Variants in CACNA2D3 observed in about 807,000 individuals in gnomAD.
CACNA2D3 encodes the protein calcium voltage-gated channel auxiliary subunit alpha2delta 3.
CACNA2D3 carries 60 observed loss-of-function variants against 160.6 expected under a neutral mutation model. The ratio of observed to expected loss-of-function variants is 0.37; its 90% CI spans 0.30 to 0.46. The LOEUF is 0.46. Among genes scored for constraint, CACNA2D3 ranks in the 20% least tolerant of loss-of-function variants. The probability of loss-of-function intolerance (pLI) is 1.00; values close to 1 mark genes in which losing one functional copy is unlikely to be tolerated. For synonymous variants in CACNA2D3, 558 were observed against 492.9 expected, an observed-to-expected ratio of 1.13 and a Z score of -1.75; for missense variants, 1,205 against 1,365.0, an observed-to-expected ratio of 0.88 and a Z score of 1.85.
chr3:54,873,564 T>A (rs1004748870), intron 18 of CACNA2D3, among the ~76,000 whole-genome samples: 1 of 152,172 alleles, frequency 6.6e-6, no homozygotes, highest in East Asian at 1.9e-4. Flanking sequence ...TATCTCCTCA[T>A]CCTACTTTGC....
chr3:54,776,658 G>C (rs1271109668), intron 13 of CACNA2D3, among the ~76,000 whole-genome samples: 1 of 152,210 alleles, frequency 6.6e-6, no homozygotes, highest in African/African-American at 2.4e-5. Context: ...TCTGTCTGAG[G>C]TTTCTGTAAC....
chr3:54,182,485 C>A (rs1700801806), intron 2 of CACNA2D3, among the ~76,000 whole-genome samples: 1 of 152,184 alleles, frequency 6.6e-6, no homozygotes, highest in South Asian at 2.1e-4. Flanking sequence ...TCCTATTGGG[C>A]AGATGGGAAC....
intron 2 of CACNA2D3, among the ~76,000 whole-genome samples, chr3:54,312,840 C>CCTAGACCCCAGTCCTGG (rs1304478975): frequency 2.0e-5 from 3 of 152,166 alleles, no homozygotes; most frequent in African/African-American, 7.2e-5. Flanking sequence ...ATGCGTTCTG[C>CCTAGACCCCAGTCCTGG]CTAGACCCCA....
At chr3:54,796,417 C>A (rs527533099) in intron 13 of CACNA2D3, among the ~76,000 whole-genome samples, 3 of 152,252 alleles carry the variant, frequency 2.0e-5, no homozygotes, top group Non-Finnish European at 4.4e-5. Flanking sequence ...CCACTGGATC[C>A]AGTCTTGACT....
chr3:54,605,181 C>T (rs1489992730), intron 9 of CACNA2D3, among the ~76,000 whole-genome samples: 2 of 152,132 alleles, frequency 1.3e-5, no homozygotes, highest in African/African-American at 4.8e-5. Flanking sequence ...AGTCATATTG[C>T]ATTAGGGGTC....
At chr3:54,475,076 A>T (rs1011477240) in intron 4 of CACNA2D3, among the ~76,000 whole-genome samples, 2 of 152,228 alleles carry the variant, frequency 1.3e-5, no homozygotes, top group Non-Finnish European at 2.9e-5. Flanking sequence ...GTAAGAGATT[A>T]CCTTGCACAT....
At chr3:54,622,903 C>T (rs1327506150) in intron 9 of CACNA2D3, among the ~76,000 whole-genome samples, 1 of 152,174 alleles carries the variant, frequency 6.6e-6, no homozygotes, top group African/African-American at 2.4e-5. Context: ...GTATAAAGTG[C>T]TGTATTCAGT....
At position 54,695,485 on chromosome 3, in the gene CACNA2D3, G is replaced by A. The variant is rs550355906; in HGVS notation, c.1167+53244G>A. ...TGCATGAGTGGTTCCAAGGTTACGA[G>A]TATTTTAAAGCTATGGATACCTGTT... On this transcript the variant is annotated intron_variant, in intron 11 of 37. Coordinates refer to ENST00000474759, the MANE Select transcript of CACNA2D3 (RefSeq NM_018398.3). Among the ~76,000 whole-genome samples the A allele has an allele frequency of 3.3e-5, 5 of 151,874 alleles. No individual in the cohort carries two copies. In the South Asian group the frequency reaches 1.0e-3, roughly 32 times the overall value.
intron 2 of CACNA2D3, among the ~76,000 whole-genome samples, chr3:54,172,152 A>T (rs1167505840): frequency 1.3e-5 from 2 of 152,018 alleles, no homozygotes; most frequent in African/African-American, 4.8e-5. Flanking sequence ...TCAGGCATTC[A>T]CCACTCCACT....
chr3:55,059,834 C>T (rs1406236440), intron 35 of CACNA2D3, among the ~76,000 whole-genome samples: 2 of 151,966 alleles, frequency 1.3e-5, no homozygotes, highest in Non-Finnish European at 2.9e-5. Flanking sequence ...CCCTGGAGTT[C>T]AGCTATCCCA....
At chr3:54,951,339 A>C (rs1180789180) in intron 27 of CACNA2D3, among the ~76,000 whole-genome samples, 1 of 152,236 alleles carries the variant, frequency 6.6e-6, no homozygotes, top group Admixed American at 6.5e-5. Flanking sequence ...TCTCTCTTTC[A>C]CAGCACTATA....
intron 11 of CACNA2D3, among the ~76,000 whole-genome samples, chr3:54,717,055 A>G (rs1410191701): frequency 6.6e-6 from 1 of 151,854 alleles, no homozygotes; most frequent in Non-Finnish European, 1.5e-5. Context: ...TTCTATCTCC[A>G]TGGGTTAGTT....
chr3:54,910,966 A>G (rs868073965), intron 27 of CACNA2D3, among the ~76,000 whole-genome samples: 5 of 152,214 alleles, frequency 3.3e-5, no homozygotes, highest in Non-Finnish European at 7.3e-5. Flanking sequence ...AAAAAATACA[A>G]TGAAATTCCA....
intron 3 of CACNA2D3, among the ~76,000 whole-genome samples, chr3:54,331,398 T>C (rs1412996542): frequency 6.6e-6 from 1 of 152,152 alleles, no homozygotes; most frequent in Non-Finnish European, 1.5e-5. Context: ...CCTGCATTAG[T>C]CAGATTAGGG....
rs528319807 is a variant in CACNA2D3, at chr3:54,898,926, A to G, written c.2369-862A>G. 3.3e-5 allele frequency among the ~76,000 whole-genome samples: 5 copies of G among 152,334 alleles called. No individual in the cohort carries two copies. The South Asian group carries it at 1.0e-3, about 32-fold the overall frequency. ...GGAGCTCTCTCTGATTTTCTCTGCT[A>G]TGTGTTGAATACCTGTACAAACTAG... On this transcript the variant is annotated intron_variant, in intron 26 of 37. Coordinates refer to ENST00000474759, the MANE Select transcript of CACNA2D3 (RefSeq NM_018398.3).
rs1701852505 is a variant in CACNA2D3, at chr3:54,955,162, G to A, written c.2450-13288G>A. The stretch of plus-strand genomic sequence containing the variant: ...TCCAATAACCCAGTGGGGTACAGAA[G>A]CTTACATACTGTATATACATTTTTC... On this transcript the variant is annotated intron_variant, in intron 27 of 37. Transcript: ENST00000474759. Among the ~76,000 whole-genome samples the A allele has an allele frequency of 2.6e-5, 4 of 152,192 alleles. No individual in the cohort carries two copies. In the South Asian group the frequency reaches 8.3e-4, roughly 31 times the overall value.
chr3:54,264,453 A>C (rs1702465179), intron 2 of CACNA2D3, among the ~76,000 whole-genome samples: 1 of 152,180 alleles, frequency 6.6e-6, no homozygotes, highest in Non-Finnish European at 1.5e-5. Context: ...GTTTTCCTGA[A>C]GGCTCAGATC....
chr3:54,811,710 A>G (rs1047181605), intron 13 of CACNA2D3, among the ~76,000 whole-genome samples: 6 of 151,910 alleles, frequency 3.9e-5, no homozygotes, highest in East Asian at 1.9e-4. Context: ...CATGTTGGCC[A>G]TGCTGGTCTC....
chr3:54,711,090 C>T (rs1421662558), intron 11 of CACNA2D3, among the ~76,000 whole-genome samples: 2 of 152,134 alleles, frequency 1.3e-5, no homozygotes, highest in Admixed American at 1.3e-4. Context: ...ACTTTGGACT[C>T]ACAGAGGGCT....
Sources: gnomAD v4.1 joint callset for allele counts (sites outside exome capture counted in the v4.1 genomes callset) on GRCh38, gnomAD v4.1.1 for gene constraint, MANE v1.5 for transcripts, NCBI Gene and HGNC (gene_info 2026-07-23, HGNC 2026-07-21) for gene names.